Variants in ADAM22 observed in about 807,000 individuals in gnomAD.
The protein encoded by ADAM22 is ADAM metallopeptidase domain 22.
In ADAM22, 65 loss-of-function variants were observed where a neutral mutation model predicts 144.6. That is an observed-to-expected ratio of 0.45 (90% CI 0.37 to 0.55). The LOEUF (loss-of-function observed/expected upper bound fraction) is 0.55, where lower values mean the gene tolerates loss of function less well. Ranked by LOEUF, ADAM22 falls within the 20% of genes least tolerant of loss-of-function variation. ADAM22 has a pLI of 0.00. For synonymous variants in ADAM22, 391 were observed against 412.6 expected, an observed-to-expected ratio of 0.95 and a Z score of 0.63; for missense variants, 974 against 1,184.9, an observed-to-expected ratio of 0.82 and a Z score of 2.61.
At chr7:87,950,981 G>C (rs1480250936) in intron 2 of ADAM22, among the ~76,000 whole-genome samples, 2 of 152,116 alleles carry the variant, frequency 1.3e-5, no homozygotes, top group Non-Finnish European at 2.9e-5. Context: ...CTTTTTGATG[G>C]GGTTGTTTGT....
At chr7:88,074,827 G>A (rs1278548215) in intron 3 of ADAM22, among the ~76,000 whole-genome samples, 1 of 152,186 alleles carries the variant, frequency 6.6e-6, no homozygotes. Flanking sequence ...CACATTTTTA[G>A]ATGATTGGAA....
chr7:88,171,652 C>A, intron 26 of ADAM22, 91 bp downstream of exon 26: 1 of 1,198,966 alleles, frequency 8.3e-7, no homozygotes, highest in Non-Finnish European at 1.2e-6. Flanking sequence ...TAATTAAGTT[C>A]ACTTTGTTTT....
chr7:88,199,103 T>A lies in ADAM22; in HGVS notation c.*2612T>A, dbSNP rs1045607740. On this transcript the variant is annotated 3_prime_UTR_variant, in exon 32 of 32. Transcript: ENST00000413139. ...TTCTAGAGGCATTACATCTAAATAT[T>A]TATGACTTTTCATCCACCGAGGTAG... 6 of 152,336 alleles carry A rather than the reference T, an allele frequency of 3.9e-5. No individual in the cohort carries two copies. In the East Asian group the frequency reaches 1.2e-3, roughly 29 times the overall value. 9.4% of individuals were successfully genotyped at this position (152,336 alleles called of 1,614,324 possible).
intron 2 of ADAM22, among the ~76,000 whole-genome samples, chr7:87,959,168 C>G (rs1847487723): frequency 2.0e-5 from 3 of 151,998 alleles, no homozygotes; most frequent in South Asian, 2.1e-4. Flanking sequence ...GAATTAGACT[C>G]CATGGATTTA....
chr7:88,076,969 T>A (rs1563162149), intron 4 of ADAM22, among the ~76,000 whole-genome samples: 1 of 152,224 alleles, frequency 6.6e-6, no homozygotes, highest in African/African-American at 2.4e-5. Flanking sequence ...GAAAACTTTA[T>A]CCTTAAACTC....
At chr7:87,941,007 A>G (rs1842359473) in intron 2 of ADAM22, among the ~76,000 whole-genome samples, 1 of 152,224 alleles carries the variant, frequency 6.6e-6, no homozygotes, top group East Asian at 1.9e-4. Flanking sequence ...TAAGCGTCAC[A>G]GATTTACATC....
At chr7:88,003,674 A>G (rs545763419) in intron 3 of ADAM22, among the ~76,000 whole-genome samples, 2 of 152,348 alleles carry the variant, frequency 1.3e-5, no homozygotes, top group South Asian at 2.1e-4. Context: ...TCTTTAAGAA[A>G]AGGAAACTCT....
At chr7:88,070,385 G>A (rs980561897) in intron 3 of ADAM22, among the ~76,000 whole-genome samples, 6 of 152,120 alleles carry the variant, frequency 3.9e-5, no homozygotes, top group East Asian at 3.9e-4. Context: ...TGGTAAAGGC[G>A]AAACAGCCTT....
chr7:88,074,969 T>G (rs1414259448), intron 3 of ADAM22, among the ~76,000 whole-genome samples: 3 of 152,212 alleles, frequency 2.0e-5, no homozygotes, highest in Non-Finnish European at 4.4e-5. Flanking sequence ...TTTATTTATA[T>G]TTTAGTGCTT....
chr7:87,971,043 T>C (rs1270707043), intron 2 of ADAM22, among the ~76,000 whole-genome samples: 1 of 152,156 alleles, frequency 6.6e-6, no homozygotes, highest in Admixed American at 6.5e-5. Flanking sequence ...ATCCATGTAA[T>C]TTCTTTTCCT....
intron 4 of ADAM22, among the ~76,000 whole-genome samples, chr7:88,080,882 A>T (rs1436386048): frequency 6.6e-6 from 1 of 152,204 alleles, no homozygotes; most frequent in Admixed American, 6.5e-5. Context: ...CCAGGACCAG[A>T]TGGATTCACA....
intron 30 of ADAM22, among the ~76,000 whole-genome samples, chr7:88,187,516 A>T (rs539870166): frequency 6.6e-6 from 1 of 152,358 alleles, no homozygotes; most frequent in South Asian, 2.1e-4. Context: ...AGAATTTCCA[A>T]GAGTTCGTAA....
chr7:87,934,652 G>A, intron 1 of ADAM22, 102 bp downstream of exon 1: 3 of 1,099,370 alleles, frequency 2.7e-6, no homozygotes, highest in Non-Finnish European at 3.7e-6. Flanking sequence ...TCCCGAGTGC[G>A]CGGGGAGATT....
chr7:87,948,293 A>C (rs1844208597), intron 2 of ADAM22, among the ~76,000 whole-genome samples: 1 of 152,152 alleles, frequency 6.6e-6, no homozygotes, highest in South Asian at 2.1e-4. Flanking sequence ...TGCTGGACTT[A>C]TTTTGGGATT....
intron 3 of ADAM22, among the ~76,000 whole-genome samples, chr7:88,043,327 T>C (rs1410916431): frequency 1.3e-5 from 2 of 151,620 alleles, no homozygotes; most frequent in African/African-American, 2.4e-5. Context: ...CTACTAAAAA[T>C]ACAAAAAATT....
intron 4 of ADAM22, among the ~76,000 whole-genome samples, chr7:88,107,198 CTTTTTTTTTTT>C (rs561936408): frequency 2.6e-5 from 2 of 76,566 alleles, no homozygotes; most frequent in South Asian, 4.7e-4. Flanking sequence ...GATTGAATTT[CTTTTTTTTTTT>C]TTTTTTTTTT....
At chr7:88,100,637 T>C (rs1822658940) in intron 4 of ADAM22, among the ~76,000 whole-genome samples, 1 of 152,206 alleles carries the variant, frequency 6.6e-6, no homozygotes, top group Non-Finnish European at 1.5e-5. Flanking sequence ...ATTTCCATTA[T>C]GCAGCTGGCC....
At chr7:88,060,750 G>A (rs1253328363) in intron 3 of ADAM22, among the ~76,000 whole-genome samples, 1 of 140,308 alleles carries the variant, frequency 7.1e-6, no homozygotes. Context: ...CTGGGCGACA[G>A]AATGAGACTC....
chr7:88,083,430 T>C lies in ADAM22; in HGVS notation c.390+7738T>C, dbSNP rs554273500. Among the ~76,000 whole-genome samples the C allele has an allele frequency of 9.9e-5, 15 of 152,150 alleles. 1 individual carries two copies. Among genetic ancestry groups the C allele is most frequent in the African/African-American group, 3.4e-4 (14 of 41,500 alleles). Reference sequence around the variant, plus strand: ...GTGCAGCACACCAACATGGCACATGTATACATATGTAACAAACCTGCACGT... The same window carrying C: ...GTGCAGCACACCAACATGGCACATGCATACATATGTAACAAACCTGCACGT... On this transcript the variant is annotated intron_variant, in intron 4 of 31. Coordinates refer to ENST00000413139, the MANE Select transcript of ADAM22 (RefSeq NM_001324418.2).
Sources: gnomAD v4.1 joint callset for allele counts (sites outside exome capture counted in the v4.1 genomes callset) on GRCh38, gnomAD v4.1.1 for gene constraint, MANE v1.5 for transcripts, NCBI Gene and HGNC (gene_info 2026-07-23, HGNC 2026-07-21) for gene names.